PARD3B: variants seen among roughly 807,000 people sequenced by gnomAD.
PARD3B encodes partitioning defective 3 homolog B.
In PARD3B, 103 loss-of-function variants were observed where a neutral mutation model predicts 130.2. The ratio of observed to expected loss-of-function variants is 0.79; its 90% CI spans 0.67 to 0.93. The LOEUF (loss-of-function observed/expected upper bound fraction) is 0.93. Ranked by LOEUF, PARD3B falls within the 40% of genes least tolerant of loss-of-function variation. PARD3B has a pLI of 0.00. For synonymous variants in PARD3B, 583 were observed against 553.2 expected (o/e 1.05, Z -0.76); for missense variants, 1,609 against 1,499.2 (o/e 1.07, Z -1.21).
rs57717513 is a variant in PARD3B, at chr2:205,279,070, C to CAA, written c.2186-21435_2186-21434dup. Reference sequence around the variant, plus strand: ...TGGATGACAGAGCAAGAATCTGTCTCAAAAAAAAAAAAAAAAAAAAAAAAA... The same window carrying CAA: ...TGGATGACAGAGCAAGAATCTGTCTCAAAAAAAAAAAAAAAAAAAAAAAAAAA... On this transcript the variant is annotated intron_variant, in intron 16 of 22. Transcript: ENST00000406610. Among the ~76,000 whole-genome samples, 279 of 38,862 alleles carry CAA rather than the reference C, an allele frequency of 7.2e-3. 64 individuals are homozygous for CAA. The highest frequency in any genetic ancestry group is 0.023 in the African/African-American group (234 of 10,374). The allele number at this position is 38,862 out of a possible 152,430, so 25.5% of individuals were successfully genotyped here.
rs1423914062 is a variant in PARD3B at position 205,265,962 on chromosome 2, C to A, written c.2185+20140C>A. Among the ~76,000 whole-genome samples the A allele has an allele frequency of 1.3e-5, 2 of 152,014 alleles. No individual in the cohort carries two copies. Among genetic ancestry groups the A allele is most frequent in the African/African-American group, 4.8e-5 (2 of 41,408 alleles). On this transcript the variant is annotated intron_variant, in intron 16 of 22. Transcript: ENST00000406610. The surrounding 1 kb of genome is among the most constrained non-coding windows in gnomAD (Gnocchi z 4.3). Reference sequence around the variant, plus strand: ...TTTGATTTTTGTTAAAAGCAGCATGCACATCCTATAAGGCATCAGTCAGAA... The same window carrying A: ...TTTGATTTTTGTTAAAAGCAGCATGAACATCCTATAAGGCATCAGTCAGAA...
At chr2:205,188,462 G>A (rs1191986407) in intron 14 of PARD3B, among the ~76,000 whole-genome samples, 1 of 152,214 alleles carries the variant, frequency 6.6e-6, no homozygotes, top group Non-Finnish European at 1.5e-5. Flanking sequence ...GATGGAGGGT[G>A]GAGGGAATGG....
chr2:205,377,214 GAAGA>G (rs2045093786), intron 18 of PARD3B, among the ~76,000 whole-genome samples: 1 of 152,194 alleles, frequency 6.6e-6, no homozygotes, highest in African/African-American at 2.4e-5. Context: ...TAGTTAGAAG[GAAGA>G]GAGTGGGTAG....
chr2:204,945,450 T>G (rs1006611936), intron 2 of PARD3B, among the ~76,000 whole-genome samples: 1 of 152,178 alleles, frequency 6.6e-6, no homozygotes, highest in African/African-American at 2.4e-5. Context: ...AGGGAAAGCT[T>G]CTCATCTCAC....
intron 22 of PARD3B, among the ~76,000 whole-genome samples, chr2:205,553,792 G>A (rs2052757272): frequency 6.6e-6 from 1 of 152,156 alleles, no homozygotes; most frequent in Admixed American, 6.5e-5. Context: ...AGTTTCATGT[G>A]GGTGTTAAGA....
At chr2:204,615,387 C>T (rs1366298940) in intron 1 of PARD3B, among the ~76,000 whole-genome samples, 2 of 152,132 alleles carry the variant, frequency 1.3e-5, no homozygotes, top group African/African-American at 4.8e-5. Flanking sequence ...GAGTTTGTAA[C>T]TTGTTATAAC....
At chr2:205,544,876 C>T (rs1354650850) in intron 21 of PARD3B, among the ~76,000 whole-genome samples, 1 of 152,124 alleles carries the variant, frequency 6.6e-6, no homozygotes, top group Non-Finnish European at 1.5e-5. Context: ...GAAGGGACTT[C>T]CAGGATGTCT....
At chr2:204,832,884 C>G (rs2125570650) in intron 2 of PARD3B, among the ~76,000 whole-genome samples, 1 of 152,212 alleles carries the variant, frequency 6.6e-6, no homozygotes, top group South Asian at 2.1e-4. Context: ...GCACGGTATG[C>G]TGGGCACTAT....
intron 2 of PARD3B, among the ~76,000 whole-genome samples, chr2:204,776,377 C>T (rs550961934): frequency 9.9e-5 from 15 of 152,180 alleles, no homozygotes; most frequent in African/African-American, 3.6e-4. Context: ...TCTGGATGAA[C>T]TCTTTGGCCT....
At position 204,836,928 on chromosome 2, in the gene PARD3B, A is replaced by C. The variant is rs150890018; in HGVS notation, c.223-128224A>C. ...AAGTGTTATAAAAATGAGTTTTTAC[A>C]TGCTATATAGAACTAAAAACACTTA... On this transcript the variant is annotated intron_variant, in intron 2 of 22. Coordinates refer to ENST00000406610, the MANE Select transcript of PARD3B (RefSeq NM_001302769.2). 2.9e-3 allele frequency among the ~76,000 whole-genome samples: 438 copies of C among 152,300 alleles called. 2 individuals carry two copies. Among genetic ancestry groups the C allele is most frequent in the Non-Finnish European group, 4.1e-3 (281 of 68,012 alleles).
chr2:204,566,934 A>G (rs1574473202), intron 1 of PARD3B, among the ~76,000 whole-genome samples: 1 of 148,554 alleles, frequency 6.7e-6, no homozygotes, highest in East Asian at 2.0e-4. Context: ...GCTAGAGTGT[A>G]GTGGTGCGAT....
intron 21 of PARD3B, among the ~76,000 whole-genome samples, chr2:205,511,300 A>G (rs1216739615): frequency 1.3e-5 from 2 of 152,212 alleles, no homozygotes; most frequent in African/African-American, 4.8e-5. Context: ...CTAAATAGCA[A>G]AGAGCAGAAA....
intron 2 of PARD3B, among the ~76,000 whole-genome samples, chr2:204,776,138 T>G (rs189370875): frequency 6.6e-6 from 1 of 152,330 alleles, no homozygotes; most frequent in Non-Finnish European, 1.5e-5. Context: ...TGACCTTTTC[T>G]TTAAGGAATA....
intron 3 of PARD3B, among the ~76,000 whole-genome samples, chr2:204,994,090 T>C (rs1242402490): frequency 2.7e-5 from 4 of 148,820 alleles, no homozygotes; most frequent in African/African-American, 9.9e-5. Context: ...TCAGTTCTGC[T>C]CTGATTTTAG....
At position 205,013,900 on chromosome 2, in the gene PARD3B, A is replaced by G. The variant is rs147037270; in HGVS notation, c.395-33681A>G. On this transcript the variant is annotated intron_variant, in intron 3 of 22. Transcript: ENST00000406610. The stretch of plus-strand genomic sequence containing the variant: ...AGTAAGCAATGGAACAATTTAGACC[A>G]TTTGAGAACCAAGGTGTCACCCTAC... Among the ~76,000 whole-genome samples the G allele has an allele frequency of 1.5e-3, 221 of 152,314 alleles. 4 individuals are homozygous for G. The East Asian group carries it at 0.021, about 15-fold the overall frequency.
chr2:205,267,669 A>G (rs1540363), intron 16 of PARD3B, among the ~76,000 whole-genome samples: 151,518 of 152,252 alleles, frequency 1, 75,397 homozygotes, highest in Middle Eastern at 1. Flanking sequence ...AGGTGACTTT[A>G]ATCTCACTGT....
At chr2:205,417,982 T>G (rs2046838340) in intron 19 of PARD3B, among the ~76,000 whole-genome samples, 1 of 152,238 alleles carries the variant, frequency 6.6e-6, no homozygotes. Context: ...CATCTTGTAT[T>G]CTCTTGTGTC....
intron 3 of PARD3B, among the ~76,000 whole-genome samples, chr2:204,998,378 ATATGTGTGTGTATATATG>A (rs1694478636): frequency 1.0e-3 from 65 of 64,816 alleles, no homozygotes; most frequent in Non-Finnish European, 1.3e-3. Context: ...GTGTGTGTAT[ATATGTGTGTGTATATATG>A]TATATATGTG....
intron 2 of PARD3B, among the ~76,000 whole-genome samples, chr2:204,796,212 A>G (rs540626079): frequency 2.0e-5 from 3 of 152,320 alleles, no homozygotes; most frequent in South Asian, 2.1e-4. Context: ...TTCCTCTACC[A>G]GGGTGGTCTT....
Sources: gnomAD v4.1 joint callset for allele counts (sites outside exome capture counted in the v4.1 genomes callset) on GRCh38, gnomAD v4.1.1 for gene constraint, Gnocchi (gnomAD v3.1) non-coding constraint, MANE v1.5 for transcripts, NCBI Gene and HGNC (gene_info 2026-07-23, HGNC 2026-07-21) for gene names.